The following MAPK12 variants were observed in gnomAD, a reference collection of about 807,000 sequenced individuals.
MAPK12 encodes the protein MAP kinase 12.
MAPK12 carries 49 observed loss-of-function variants against 49.1 expected under a neutral mutation model. The observed-to-expected ratio is 1.00, with a 90% CI of 0.79 to 1.27. MAPK12 has a LOEUF of 1.27. Among genes scored for constraint, MAPK12 ranks in the 50% most tolerant of loss-of-function variants. The probability of loss-of-function intolerance (pLI) is 0.00; values close to 1 mark genes in which losing one functional copy is unlikely to be tolerated. For missense variants in MAPK12, 554 were observed against 502.4 expected, an observed-to-expected ratio of 1.10 and a Z score of -0.98; for synonymous variants, 251 against 209.7, an observed-to-expected ratio of 1.20 and a Z score of -1.70.
intron 2 of MAPK12, 36 bp downstream of exon 2, chr22:50,261,131 C>A: frequency 6.5e-7 from 1 of 1,542,414 alleles, no homozygotes; most frequent in East Asian, 2.5e-5. Flanking sequence ...AAGCCGAGGC[C>A]GCGGCGCCTT....
intron 1 of MAPK12, 28 bp from the exon 2 acceptor site, chr22:50,261,324 G>T: frequency 7.8e-7 from 1 of 1,281,152 alleles, no homozygotes; most frequent in Non-Finnish European, 1.0e-6. Flanking sequence ...TAGCGGGAAG[G>T]CCGGGCACCC....
chr22:50,256,023 TGAA>T lies in MAPK12; in HGVS notation c.619+59_619+61del, dbSNP rs2065146551. On this transcript the variant is annotated intron_variant, in intron 7 of 11. Transcript: ENST00000215659. ...GGAGCAGCCACCACAGGGCTGTCCG[TGAA>T]GAAGTGGAGAAGCAGATGGTGCAGC... The T allele has an allele frequency of 2.1e-5, 33 of 1,541,074 alleles. 2 individuals carry two copies. In the South Asian group the frequency reaches 3.4e-4, roughly 16 times the overall value.
chr22:50,261,278 G>A lies in MAPK12; in HGVS notation c.144C>T (p.Arg48=). ...YGAVCSAVDG[R]TGAKVAIKKL... is the part of the protein sequence containing the mutation. ...TCTTGATGGCCACCTTAGCGCCGGT[G>A]CGGCCGTCCACGGCCGAGCTGCGGG... is the stretch of plus-strand genomic sequence containing the variant. Residue 48 remains arginine (R), a synonymous_variant, in exon 2 of 12, where the codon CGC becomes CGT. Coordinates refer to ENST00000215659, the MANE Select transcript of MAPK12 (RefSeq NM_002969.6). 2 of 1,527,986 alleles carry A rather than the reference G, an allele frequency of 1.3e-6. No homozygotes were observed. Among genetic ancestry groups the A allele is most frequent in the Non-Finnish European group, 1.8e-6 (2 of 1,137,890 alleles). 94.7% of individuals were successfully genotyped at this position (1,527,986 alleles called of 1,614,324 possible).
intron 3 of MAPK12, 140 bp from the exon 4 acceptor site, chr22:50,257,333 A>G: frequency 1.5e-6 from 1 of 651,936 alleles, no homozygotes. Context: ...ACACATCCAC[A>G]CTGGCCTCGG....
In MAPK12 at chr22:50,261,471, G is replaced by T; in HGVS notation, c.39C>A (p.Arg13=). The T allele has an allele frequency of 7.8e-7, 1 of 1,279,236 alleles. No homozygotes were observed. The allele number at this position is 1,279,236 out of a possible 1,614,324, so 79.2% of individuals were successfully genotyped here. Residue 13 remains arginine, a synonymous_variant, in exon 1 of 12, where the codon CGC becomes CGA. Coordinates refer to ENST00000215659, the MANE Select transcript of MAPK12 (RefSeq NM_002969.6). ...SPPPARSGFY[R]QEVTKTAWEV... is the part of the protein sequence containing the mutation. Reference sequence around the variant, plus strand: ...CCCAGGCCGTCTTGGTCACCTCCTGGCGGTAAAAGCCACTGCGGGCGGGCG... The same window carrying T: ...CCCAGGCCGTCTTGGTCACCTCCTGTCGGTAAAAGCCACTGCGGGCGGGCG...
intron 10 of MAPK12, 32 bp downstream of exon 10, chr22:50,255,421 C>T (rs1413921972): frequency 1.9e-6 from 3 of 1,612,686 alleles, no homozygotes; most frequent in Non-Finnish European, 2.5e-6. Context: ...CACACTCCAG[C>T]ACCCGGTGGC....
rs772356348 is a variant in MAPK12, at chr22:50,261,149, C to T, written c.255+18G>A. The T allele has an allele frequency of 1.9e-6, 3 of 1,567,716 alleles. No individual in the cohort carries two copies. The highest frequency in any genetic ancestry group is 2.6e-6 in the Non-Finnish European group (3 of 1,156,182). ...CCGAGGCCGCGGCGCCTTCCCGGAG[C>T]GGGGCCGCGCGACTCACGTTCTCGT... On this transcript the variant is annotated intron_variant, in intron 2 of 11. Coordinates refer to ENST00000215659, the MANE Select transcript of MAPK12 (RefSeq NM_002969.6).
At chr22:50,259,685 C>T (rs537182363) in intron 2 of MAPK12, among the ~76,000 whole-genome samples, 1 of 152,008 alleles carries the variant, frequency 6.6e-6, no homozygotes, top group Non-Finnish European at 1.5e-5. Flanking sequence ...GGGTTCGAGA[C>T]CAGTCTGCCC....
Position 50,261,594 on chromosome 22 carries a change from G to C in MAPK12, c.-85C>G, listed in dbSNP as rs1216529493. 179 of 1,011,008 alleles carry C rather than the reference G, an allele frequency of 1.8e-4. 3 individuals are homozygous for C. The South Asian group carries it at 7.4e-3, about 42-fold the overall frequency. The allele number at this position is 1,011,008 out of a possible 1,614,324, so 62.6% of individuals were successfully genotyped here. A position where few individuals can be genotyped will look rare whatever the true frequency, so the allele number is the denominator to read the frequency against. ...ACGGGGCTCCCTCGGCGCGCGCCTC[G>C]GGCCGGCTCCGCGCCGCTCGTCCGC... On this transcript the variant is annotated 5_prime_UTR_variant, in exon 1 of 12. Coordinates refer to ENST00000215659, the MANE Select transcript of MAPK12 (RefSeq NM_002969.6).
chr22:50,259,113 C>G (rs566164409), intron 2 of MAPK12, among the ~76,000 whole-genome samples: 2 of 152,182 alleles, frequency 1.3e-5, no homozygotes, highest in Non-Finnish European at 2.9e-5. Context: ...TAAATGCGTC[C>G]TCCTGGCCGT....
intron 11 of MAPK12, 144 bp downstream of exon 11, chr22:50,255,053 G>A (rs1368102086): frequency 5.3e-6 from 8 of 1,501,730 alleles, no homozygotes; most frequent in Non-Finnish European, 7.1e-6. Flanking sequence ...GGCCCACAGG[G>A]TCCACACAGG....
intron 2 of MAPK12, among the ~76,000 whole-genome samples, chr22:50,260,406 A>T (rs958784988): frequency 1.3e-5 from 2 of 151,934 alleles, no homozygotes; most frequent in African/African-American, 4.8e-5. Flanking sequence ...GGCAGGAGTG[A>T]CGTGGGGGGC....
intron 1 of MAPK12, 21 bp downstream of exon 1, chr22:50,261,364 C>G: frequency 5.3e-6 from 6 of 1,134,014 alleles, no homozygotes; most frequent in Non-Finnish European, 6.5e-6. Flanking sequence ...CCGCCGGCCG[C>G]CCCGCCCGGC....
At chr22:50,256,248 G>T in intron 6 of MAPK12, 49 bp from the exon 7 acceptor site, 1 of 1,440,774 alleles carries the variant, frequency 6.9e-7, no homozygotes, top group Non-Finnish European at 9.7e-7. Flanking sequence ...CCAAGGAGCG[G>T]ACAGGCCACC....
chr22:50,256,570 C>A (rs751366173), intron 6 of MAPK12, 29 bp downstream of exon 6: 1 of 1,605,220 alleles, frequency 6.2e-7, no homozygotes, highest in Admixed American at 1.7e-5. Context: ...CCTGCCCCAC[C>A]TCAGGGCCCC....
chr22:50,255,134 C>A, intron 11 of MAPK12, 63 bp downstream of exon 11: 1 of 1,597,706 alleles, frequency 6.3e-7, no homozygotes, highest in Non-Finnish European at 8.5e-7. Flanking sequence ...CAGGTCCACA[C>A]AGGCCCTGCC....
At position 50,253,388 on chromosome 22, in the gene MAPK12, A is replaced by G; in HGVS notation, c.*13T>C. On this transcript the variant is annotated 3_prime_UTR_variant, in exon 12 of 12. Coordinates refer to ENST00000215659, the MANE Select transcript of MAPK12 (RefSeq NM_002969.6). ...AAGGTGGTCCTCACTGCCACCCCGG[A>G]GCCCAGAGATCTTCACAGAGGCGTC... 6 of 1,544,754 alleles carry G rather than the reference A, an allele frequency of 3.9e-6. No individual in the cohort carries two copies. The highest frequency in any genetic ancestry group is 3.5e-6 in the Non-Finnish European group (4 of 1,143,210).
chr22:50,261,375 C>T lies in MAPK12; in HGVS notation c.125+10G>A, dbSNP rs928580103. 50 of 1,159,568 alleles carry T rather than the reference C, an allele frequency of 4.3e-5. No homozygotes were observed. The highest frequency in any genetic ancestry group is 4.6e-5 in the Non-Finnish European group (43 of 935,334). The allele number at this position is 1,159,568 out of a possible 1,614,324, so 71.8% of individuals were successfully genotyped here. ...CGCCCCGCCGGCCGCCCCGCCCGGCCCGCGCTCACCACACCGCGCCGTAGG... is the reference window on the plus strand; with the variant it reads ...CGCCCCGCCGGCCGCCCCGCCCGGCTCGCGCTCACCACACCGCGCCGTAGG... On this transcript the variant is annotated intron_variant, in intron 1 of 11. Coordinates refer to ENST00000215659, the MANE Select transcript of MAPK12 (RefSeq NM_002969.6).
At chr22:50,260,953 G>A (rs888002606) in intron 2 of MAPK12, 44 of 490,892 alleles carry the variant, frequency 9.0e-5, no homozygotes, top group African/African-American at 5.6e-4. Context: ...AGTCCTTCCC[G>A]GGGCTGGCGG....
Sources: allele counts gnomAD v4.1 joint callset (sites outside exome capture counted in the v4.1 genomes callset), GRCh38; gene constraint gnomAD v4.1.1; transcripts MANE v1.5; gene names NCBI Gene and HGNC (gene_info 2026-07-23, HGNC 2026-07-21).